ANKS1B: variants seen among roughly 807,000 people sequenced by gnomAD.
ANKS1B encodes the protein ankyrin repeat and sterile alpha motif domain containing 1B, also known as ankyrin repeat and sterile alpha motif domain-containing protein 1B.
Under a neutral mutation model 148.3 loss-of-function variants are expected in ANKS1B, and 36 were observed. That is an observed-to-expected ratio of 0.24 (90% CI 0.19 to 0.32). ANKS1B has a LOEUF of 0.32. Ranked by LOEUF, ANKS1B falls within the 10% of genes least tolerant of loss-of-function variation. The pLI, the probability that ANKS1B is intolerant of heterozygous loss-of-function variation, is 1.00. For synonymous variants in ANKS1B, 542 were observed against 560.8 expected (o/e 0.97, Z 0.47); for missense variants, 1,157 against 1,542.6 (o/e 0.75, Z 4.19).
Position 99,331,252 on chromosome 12 carries a change from G to T in ANKS1B, c.1756+68379C>A, listed in dbSNP as rs185123701. 7.3e-4 allele frequency among the ~76,000 whole-genome samples: 111 copies of T among 151,756 alleles called. 1 individual carries two copies. In the South Asian group the frequency reaches 0.015, roughly 20 times the overall value. On this transcript the variant is annotated intron_variant, in intron 12 of 26. Transcript: ENST00000683438. ...CCTGACACCTCTGGGTTTACTTAACGTCCTAAAAAAAGAAACAGTACTCTA... is the reference window on the plus strand; with the variant it reads ...CCTGACACCTCTGGGTTTACTTAACTTCCTAAAAAAAGAAACAGTACTCTA...
At chr12:99,894,345 A>G (rs537155543) in intron 1 of ANKS1B, among the ~76,000 whole-genome samples, 12 of 146,904 alleles carry the variant, frequency 8.2e-5, no homozygotes, top group African/African-American at 2.7e-4. Flanking sequence ...AAAGAAAAGA[A>G]AAGAAAAAAG....
intron 19 of ANKS1B, among the ~76,000 whole-genome samples, chr12:98,810,296 T>C (rs759763): frequency 0.043 from 6,511 of 152,332 alleles, 473 homozygotes; most frequent in African/African-American, 0.15. Context: ...CTAACTGTAA[T>C]ATATCTACAT....
intron 9 of ANKS1B, among the ~76,000 whole-genome samples, chr12:99,643,486 A>C (rs1182212275): frequency 6.6e-6 from 1 of 152,214 alleles, no homozygotes; most frequent in African/African-American, 2.4e-5. Flanking sequence ...ATTAGGTTTC[A>C]AGCCCTGGGA....
chr12:98,955,452 AG>A (rs1281858520), intron 17 of ANKS1B, among the ~76,000 whole-genome samples: 1 of 152,150 alleles, frequency 6.6e-6, no homozygotes, highest in East Asian at 1.9e-4. Flanking sequence ...ACATCTCAAT[AG>A]GATCTCTCTG....
intron 9 of ANKS1B, among the ~76,000 whole-genome samples, chr12:99,577,249 T>C (rs952263797): frequency 2.0e-5 from 3 of 151,068 alleles, no homozygotes; most frequent in Admixed American, 2.0e-4. Flanking sequence ...TTAACAAATG[T>C]CTTAAACATT....
At chr12:99,837,933 A>C (rs1284874634) in intron 1 of ANKS1B, among the ~76,000 whole-genome samples, 1 of 148,164 alleles carries the variant, frequency 6.7e-6, no homozygotes, top group Non-Finnish European at 1.5e-5. Flanking sequence ...GCCCAACCCC[A>C]ACCCTCCCAC....
intron 14 of ANKS1B, among the ~76,000 whole-genome samples, chr12:99,227,537 G>C (rs1172784962): frequency 6.6e-6 from 1 of 152,208 alleles, no homozygotes; most frequent in Non-Finnish European, 1.5e-5. Context: ...AGCCTGTGGG[G>C]AGGAGAGATG....
chr12:99,815,853 T>C (rs1268622261), intron 2 of ANKS1B, among the ~76,000 whole-genome samples: 1 of 151,858 alleles, frequency 6.6e-6, no homozygotes, highest in African/African-American at 2.4e-5. Flanking sequence ...TAGTATTCCA[T>C]GGTGTATATA....
At chr12:99,315,316 A>G (rs2083866724) in intron 12 of ANKS1B, among the ~76,000 whole-genome samples, 2 of 152,022 alleles carry the variant, frequency 1.3e-5, no homozygotes, top group Admixed American at 1.3e-4. Flanking sequence ...CAATCTACCT[A>G]TCTAACAAAG....
chr12:99,077,783 A>C (rs2048338950), intron 16 of ANKS1B, among the ~76,000 whole-genome samples: 3 of 152,006 alleles, frequency 2.0e-5, no homozygotes, highest in Admixed American at 2.0e-4. Context: ...TCTCTTAAAG[A>C]CTCTAGTTCT....
chr12:99,669,670 T>G (rs2153465165), intron 8 of ANKS1B, among the ~76,000 whole-genome samples: 1 of 152,324 alleles, frequency 6.6e-6, no homozygotes, highest in South Asian at 2.1e-4. Flanking sequence ...TTTTTCTGTC[T>G]TCATGAAGTT....
intron 1 of ANKS1B, among the ~76,000 whole-genome samples, chr12:99,826,285 T>C (rs930851936): frequency 6.6e-5 from 10 of 152,080 alleles, no homozygotes; most frequent in Non-Finnish European, 1.0e-4. Context: ...ATGGAAAAGA[T>C]AGACACACAA....
At chr12:99,831,976 C>T (rs894263939) in intron 1 of ANKS1B, among the ~76,000 whole-genome samples, 12 of 152,168 alleles carry the variant, frequency 7.9e-5, no homozygotes, top group Admixed American at 6.5e-4. Context: ...ATTAACCTCA[C>T]TGTGGCTAGC....
At chr12:99,849,402 C>A (rs2087304592) in intron 1 of ANKS1B, among the ~76,000 whole-genome samples, 1 of 151,956 alleles carries the variant, frequency 6.6e-6, no homozygotes, top group Admixed American at 6.6e-5. Context: ...CAGATGAAAC[C>A]AAATGTTGCT....
chr12:99,334,686 C>G (rs986645018), intron 12 of ANKS1B, among the ~76,000 whole-genome samples: 2 of 151,900 alleles, frequency 1.3e-5, no homozygotes, highest in African/African-American at 4.8e-5. Flanking sequence ...TAATAATAGC[C>G]TTAATTTATG....
At chr12:99,821,432 A>C (rs1296671683) in intron 2 of ANKS1B, among the ~76,000 whole-genome samples, 1 of 151,308 alleles carries the variant, frequency 6.6e-6, no homozygotes, top group Non-Finnish European at 1.5e-5. Context: ...AATGATTGCT[A>C]TTCAATTTGC....
intron 25 of ANKS1B, among the ~76,000 whole-genome samples, chr12:98,762,845 A>G (rs779508229): frequency 5.9e-5 from 9 of 152,214 alleles, no homozygotes; most frequent in Non-Finnish European, 7.3e-5. Context: ...CTCTGGTCTC[A>G]CTGGGCTTTG....
intron 9 of ANKS1B, among the ~76,000 whole-genome samples, chr12:99,652,998 A>C (rs1331503265): frequency 6.6e-6 from 1 of 152,182 alleles, no homozygotes; most frequent in African/African-American, 2.4e-5. Flanking sequence ...GCACTTGTAC[A>C]CATACAAATT....
At chr12:99,651,850 T>C (rs1050811983) in intron 9 of ANKS1B, among the ~76,000 whole-genome samples, 3 of 152,062 alleles carry the variant, frequency 2.0e-5, no homozygotes, top group Middle Eastern at 3.4e-3. Flanking sequence ...GGTTGAATCC[T>C]AGGTAATAAA....
Sources: gnomAD v4.1 joint callset for allele counts (sites outside exome capture counted in the v4.1 genomes callset) on GRCh38, gnomAD v4.1.1 for gene constraint, MANE v1.5 for transcripts, NCBI Gene and HGNC (gene_info 2026-07-23, HGNC 2026-07-21) for gene names.